The following CCDC102B variants were observed in gnomAD, a reference collection of about 807,000 sequenced individuals.
CCDC102B encodes the protein coiled-coil domain containing 102B, also known as coiled-coil domain-containing protein 102B.
CCDC102B carries 75 observed loss-of-function variants against 57.4 expected under a neutral mutation model. The ratio of observed to expected loss-of-function variants is 1.31; its 90% CI spans 1.08 to 1.58. The LOEUF (loss-of-function observed/expected upper bound fraction) is 1.58, where lower values mean the gene tolerates loss of function less well. CCDC102B is among the 40% of genes most tolerant of loss of function. The pLI is 0.00. For missense variants in CCDC102B, 636 were observed against 582.6 expected, an observed-to-expected ratio of 1.09 and a Z score of -0.94; for synonymous variants, 206 against 201.9, an observed-to-expected ratio of 1.02 and a Z score of -0.17.
chr18:68,870,571 G>C (rs568306490), intron 4 of CCDC102B, among the ~76,000 whole-genome samples: 1 of 152,128 alleles, frequency 6.6e-6, no homozygotes. Context: ...ATTAGACTTT[G>C]ACTTTAGAAG....
chr18:68,790,326 G>C (rs1315200928), intron 2 of CCDC102B, among the ~76,000 whole-genome samples: 1 of 151,120 alleles, frequency 6.6e-6, no homozygotes, highest in Non-Finnish European at 1.5e-5. Context: ...TACAGAGGCA[G>C]GCAGGCCTCC....
chr18:68,965,119 T>C (rs190846773), intron 6 of CCDC102B, among the ~76,000 whole-genome samples: 11 of 152,140 alleles, frequency 7.2e-5, no homozygotes, highest in Admixed American at 2.0e-4. Flanking sequence ...TCTATAAATT[T>C]ATGTTAATTT....
At chr18:68,874,622 C>A in intron 4 of CCDC102B, 47 bp from the exon 5 acceptor site, 1 of 1,213,426 alleles carries the variant, frequency 8.2e-7, no homozygotes. Context: ...ATCCTGTAAC[C>A]ACCCTATATA....
intron 2 of CCDC102B, chr18:68,716,659 A>T (rs1422242935): frequency 1.3e-5 from 2 of 152,334 alleles, no homozygotes; most frequent in East Asian, 3.9e-4. Flanking sequence ...AGTCCCAGGC[A>T]TGGGTGGCTC....
intron 2 of CCDC102B, among the ~76,000 whole-genome samples, chr18:68,722,809 G>T (rs1018059409): frequency 9.9e-5 from 15 of 151,660 alleles, no homozygotes; most frequent in Non-Finnish European, 2.9e-5. Flanking sequence ...AAGATTAGGG[G>T]AATTTCAGAT....
intron 6 of CCDC102B, among the ~76,000 whole-genome samples, chr18:68,984,507 T>G (rs1187215043): frequency 2.6e-5 from 4 of 152,140 alleles, no homozygotes; most frequent in African/African-American, 9.7e-5. Flanking sequence ...GCTTTCTAAC[T>G]ATGTCCTTCT....
chr18:69,025,046 C>G (rs1303908526), intron 7 of CCDC102B, among the ~76,000 whole-genome samples: 3 of 151,906 alleles, frequency 2.0e-5, no homozygotes, highest in African/African-American at 4.8e-5. Flanking sequence ...TATAATCATG[C>G]TTTAATTTTA....
At chr18:68,931,475 G>A (rs1189110195) in intron 6 of CCDC102B, among the ~76,000 whole-genome samples, 2 of 151,566 alleles carry the variant, frequency 1.3e-5, no homozygotes, top group Non-Finnish European at 2.9e-5. Flanking sequence ...TATCATCTGG[G>A]GGTGAAGATT....
At chr18:68,717,091 AAAATT>A in intron 2 of CCDC102B, among the ~76,000 whole-genome samples, 1 of 151,888 alleles carries the variant, frequency 6.6e-6, no homozygotes, top group Non-Finnish European at 1.5e-5. Flanking sequence ...AAAAAAAAAA[AAAATT>A]AGCCAGATGT....
chr18:69,033,810 C>T (rs2052212424), intron 7 of CCDC102B, among the ~76,000 whole-genome samples: 2 of 151,944 alleles, frequency 1.3e-5, no homozygotes, highest in African/African-American at 4.8e-5. Flanking sequence ...TACATTTTCA[C>T]ATGCAATGTT....
Position 68,897,300 on chromosome 18 carries a change from G to T in CCDC102B, c.1135G>T (p.Glu379Ter). 1.9e-6 allele frequency: 3 copies of T among 1,613,168 alleles called. No homozygotes were observed. Among genetic ancestry groups the T allele is most frequent in the Non-Finnish European group, 2.5e-6 (3 of 1,179,324 alleles). Residue 379 changes from glutamate (E) to a stop codon, truncating the protein, a stop_gained, in exon 6 of 8, where the codon GAA becomes TAA. Transcript: ENST00000360242. LOFTEE classifies it high-confidence loss of function. ...LEREKQGLERENRRLKIQVKE... is the reference protein window; with the variant it reads ...LEREKQGLER ...AAGAGAAAAGCAGGGACTGGAGAGA[G>T]AAAATAGAAGGCTGAAGATCCAGGT...
At chr18:69,012,669 G>T (rs150924769) in intron 7 of CCDC102B, among the ~76,000 whole-genome samples, 172 of 151,812 alleles carry the variant, frequency 1.1e-3, no homozygotes, top group African/African-American at 4.0e-3. Context: ...CATGTCTCAC[G>T]TCCTGAGGCC....
At chr18:68,847,314 A>G (rs2037915745) in intron 4 of CCDC102B, among the ~76,000 whole-genome samples, 1 of 151,772 alleles carries the variant, frequency 6.6e-6, no homozygotes, top group Non-Finnish European at 1.5e-5. Context: ...TCATGACACA[A>G]AAACACATTA....
At chr18:68,790,673 T>C (rs2144659665) in intron 2 of CCDC102B, among the ~76,000 whole-genome samples, 1 of 152,282 alleles carries the variant, frequency 6.6e-6, no homozygotes, top group East Asian at 1.9e-4. Context: ...AGGCAATGCC[T>C]CGCCCTGCTT....
intron 2 of CCDC102B, among the ~76,000 whole-genome samples, chr18:68,760,470 CTCA>C (rs1181592636): frequency 1.3e-5 from 2 of 152,022 alleles, no homozygotes; most frequent in Non-Finnish European, 2.9e-5. Flanking sequence ...AGAAATTTTT[CTCA>C]TGAGTTATTA....
At chr18:68,934,803 T>A (rs2041789685) in intron 6 of CCDC102B, among the ~76,000 whole-genome samples, 2 of 151,948 alleles carry the variant, frequency 1.3e-5, no homozygotes, top group South Asian at 4.1e-4. Flanking sequence ...GTCTCTCAGA[T>A]TTTTGTTCAT....
At chr18:68,924,450 A>AT (rs1430088098) in intron 6 of CCDC102B, among the ~76,000 whole-genome samples, 2 of 152,010 alleles carry the variant, frequency 1.3e-5, no homozygotes, top group Non-Finnish European at 2.9e-5. Flanking sequence ...TTCTGCCATA[A>AT]TTGTAAGTTT....
intron 6 of CCDC102B, among the ~76,000 whole-genome samples, chr18:68,945,159 T>C (rs1387785154): frequency 1.2e-5 from 1 of 84,104 alleles, no homozygotes; most frequent in Non-Finnish European, 3.0e-5. Flanking sequence ...CTCATCTAGC[T>C]ATCACCCCAC....
chr18:69,013,557 A>T (rs899558796), intron 7 of CCDC102B, among the ~76,000 whole-genome samples: 1 of 152,222 alleles, frequency 6.6e-6, no homozygotes, highest in African/African-American at 2.4e-5. Context: ...GTAAAATAAA[A>T]AGTAGGTGGT....
Sources: allele counts gnomAD v4.1 joint callset (sites outside exome capture counted in the v4.1 genomes callset), GRCh38; gene constraint gnomAD v4.1.1; transcripts MANE v1.5; gene names NCBI Gene and HGNC (gene_info 2026-07-23, HGNC 2026-07-21).